Variants in TAF8 observed in about 807,000 individuals in gnomAD.
TAF8 encodes TATA-box binding protein associated factor 8.
A neutral mutation model predicts 36.5 loss-of-function variants in TAF8; 47 were observed. The ratio of observed to expected loss-of-function variants is 1.29; its 90% confidence interval spans 1.02 to 1.64. The LOEUF (loss-of-function observed/expected upper bound fraction) is 1.64, where lower values mean the gene tolerates loss of function less well. Among genes scored for constraint, TAF8 ranks in the 40% most tolerant of loss-of-function variants. The pLI, the probability that TAF8 is intolerant of heterozygous loss-of-function variation, is 0.00. For missense variants in TAF8, 420 were observed against 407.6 expected (o/e 1.03, Z -0.26); for synonymous variants, 175 against 159.5 (o/e 1.10, Z -0.73).
At chr6:42,068,914 T>C (rs934649720) in intron 7 of TAF8, among the ~76,000 whole-genome samples, 2 of 151,618 alleles carry the variant, frequency 1.3e-5, no homozygotes, top group African/African-American at 2.4e-5. Flanking sequence ...AATGAGGAGA[T>C]AGGAAGTGGG....
chr6:42,066,245 C>G, intron 5 of TAF8, 67 bp from the exon 6 acceptor site: 1 of 1,590,166 alleles, frequency 6.3e-7, no homozygotes, highest in Non-Finnish European at 8.5e-7. Context: ...AACAGCAAGC[C>G]AGGGAGCTGA....
intron 2 of TAF8, among the ~76,000 whole-genome samples, chr6:42,053,333 C>T (rs567261352): frequency 5.9e-5 from 9 of 152,182 alleles, no homozygotes; most frequent in African/African-American, 1.2e-4. Context: ...GAGGCCGAGG[C>T]GGGTATATCG....
chr6:42,054,660 G>A (rs1467088749), intron 2 of TAF8, among the ~76,000 whole-genome samples: 4 of 151,904 alleles, frequency 2.6e-5, no homozygotes, highest in Admixed American at 6.6e-5. Flanking sequence ...CCAGGCTGGA[G>A]TGCAGTGGTG....
chr6:42,064,255 G>GT (rs56011124), intron 5 of TAF8, among the ~76,000 whole-genome samples: 13,822 of 151,664 alleles, frequency 0.091, 795 homozygotes, highest in East Asian at 0.23. Context: ...AAGTTTTGGG[G>GT]TTTTTTTGTG....
In TAF8 at chr6:42,081,758, A is replaced by C. The variant is rs943860136; in HGVS notation, c.*4213A>C. 4 of 152,078 alleles carry C rather than the reference A, an allele frequency of 2.6e-5. No homozygotes were observed. Among genetic ancestry groups the C allele is most frequent in the Non-Finnish European group, 4.4e-5 (3 of 68,022 alleles). The allele number at this position is 152,078 out of a possible 1,614,324, so 9.4% of individuals were successfully genotyped here. A position where few individuals can be genotyped will look rare whatever the true frequency, so the allele number is the denominator to read the frequency against. On this transcript the variant is annotated 3_prime_UTR_variant, in exon 9 of 9. Coordinates refer to ENST00000372977, the MANE Select transcript of TAF8 (RefSeq NM_138572.3). ...CTGACCTCAGGTGATCACCTGCCTC[A>C]GCCTCCTAAAGTGCTGAGGTTACAG... is the stretch of plus-strand genomic sequence containing the variant.
At chr6:42,053,540 G>A (rs1254241242) in intron 2 of TAF8, among the ~76,000 whole-genome samples, 1 of 149,376 alleles carries the variant, frequency 6.7e-6, no homozygotes, top group Non-Finnish European at 1.5e-5. Flanking sequence ...ACTCCAGCCT[G>A]GGCAACAAGA....
chr6:42,072,716 G>A (rs1765619382), intron 7 of TAF8, among the ~76,000 whole-genome samples: 1 of 151,652 alleles, frequency 6.6e-6, no homozygotes, highest in Non-Finnish European at 1.5e-5. Context: ...GTAAATAACT[G>A]GTTTTTTTGT....
chr6:42,079,656 G>A lies in TAF8; in HGVS notation c.*2111G>A, dbSNP rs148093773. The stretch of plus-strand genomic sequence containing the variant: ...CGGCTCACTGCAACCTCCACTCCCC[G>A]GGTTCAAGCAATTCTCAGAGTAGCT... On this transcript the variant is annotated 3_prime_UTR_variant, in exon 9 of 9. Coordinates refer to ENST00000372977, the MANE Select transcript of TAF8 (RefSeq NM_138572.3). 97 of 808,578 alleles carry A rather than the reference G, an allele frequency of 1.2e-4. No homozygotes were observed. The East Asian group carries it at 3.9e-3, about 32-fold the overall frequency. The allele number at this position is 808,578 out of a possible 1,614,324, so 50.1% of individuals were successfully genotyped here. A position where few individuals can be genotyped will look rare whatever the true frequency, so the allele number is the denominator to read the frequency against.
chr6:42,062,003 C>G (rs751516449), intron 5 of TAF8, among the ~76,000 whole-genome samples: 5 of 152,122 alleles, frequency 3.3e-5, no homozygotes, highest in Non-Finnish European at 7.3e-5. Flanking sequence ...AAACAAGACT[C>G]GATGAAGATA....
rs1036098857 is a variant in TAF8 at position 42,078,691 on chromosome 6, A to T, written c.*1146A>T. 3.0e-6 allele frequency: 3 copies of T among 985,286 alleles called. No individual in the cohort carries two copies. In the Admixed American group the frequency reaches 1.8e-4, roughly 61 times the overall value. 61.0% of individuals were successfully genotyped at this position (985,286 alleles called of 1,614,324 possible). On this transcript the variant is annotated 3_prime_UTR_variant, in exon 9 of 9. Coordinates refer to ENST00000372977, the MANE Select transcript of TAF8 (RefSeq NM_138572.3). ...TCTCCTCCTGAGAGATTTACCATTT[A>T]TTGCCCCTGTGAGGAATGTGTGCTT... is the stretch of plus-strand genomic sequence containing the variant.
downstream of TAF8, among the ~76,000 whole-genome samples, chr6:42,083,659 G>A (rs899329373): frequency 2.0e-5 from 3 of 152,114 alleles, no homozygotes; most frequent in African/African-American, 4.8e-5. Context: ...CATAGTCACC[G>A]TTCTGTGTGA....
intron 6 of TAF8, among the ~76,000 whole-genome samples, chr6:42,066,731 G>A (rs1765378084): frequency 3.3e-5 from 5 of 152,160 alleles, no homozygotes; most frequent in Admixed American, 3.3e-4. Flanking sequence ...GAGACACTTG[G>A]TGGCAGCCCA....
At chr6:42,071,080 C>T (rs550378804) in intron 7 of TAF8, among the ~76,000 whole-genome samples, 1 of 152,294 alleles carries the variant, frequency 6.6e-6, no homozygotes, top group Non-Finnish European at 1.5e-5. Context: ...CGCAGAACCG[C>T]CAGAAGCTGG....
intron 5 of TAF8, among the ~76,000 whole-genome samples, chr6:42,058,950 G>C (rs903757230): frequency 2.6e-5 from 4 of 152,098 alleles, no homozygotes; most frequent in Admixed American, 2.6e-4. Context: ...GTGTGGTTGG[G>C]GGGCAGAGGG....
At position 42,080,961 on chromosome 6, in the gene TAF8, A is replaced by G. The variant is rs1166174863; in HGVS notation, c.*3416A>G. On this transcript the variant is annotated 3_prime_UTR_variant, in exon 9 of 9. Transcript: ENST00000372977. ...TCAAAAGTTAACAGCAATGTGGACA[A>G]ATAAGTCAGGCTTAGCCCTTGTGTT... 1.1e-5 allele frequency: 11 copies of G among 985,262 alleles called. No homozygotes were observed. In the African/African-American group the frequency reaches 1.4e-4, roughly 13 times the overall value. The allele number at this position is 985,262 out of a possible 1,614,324, so 61.0% of individuals were successfully genotyped here.
chr6:42,064,177 C>T (rs1308601256), intron 5 of TAF8, among the ~76,000 whole-genome samples: 1 of 152,052 alleles, frequency 6.6e-6, no homozygotes, highest in Non-Finnish European at 1.5e-5. Flanking sequence ...GGAATCATTA[C>T]AAGATTTTGC....
intron 2 of TAF8, chr6:42,051,746 A>C (rs918978247): frequency 1.9e-5 from 6 of 312,246 alleles, no homozygotes; most frequent in Non-Finnish European, 3.0e-5. Flanking sequence ...GGATCACCTG[A>C]AGTCAGGAGT....
intron 5 of TAF8, among the ~76,000 whole-genome samples, chr6:42,059,385 GAA>G (rs1328626068): frequency 1.6e-5 from 2 of 123,522 alleles, no homozygotes; most frequent in African/African-American, 3.0e-5. Context: ...TTTGTCTCAA[GAA>G]AAAAAAAAAA....
chr6:42,085,289 T>C (rs890453011), downstream of TAF8, among the ~76,000 whole-genome samples: 1 of 152,206 alleles, frequency 6.6e-6, no homozygotes, highest in East Asian at 1.9e-4. Flanking sequence ...CGGTTTTCTA[T>C]TTAGAGAAAT....
Sources: allele counts gnomAD v4.1 joint callset (sites outside exome capture counted in the v4.1 genomes callset), GRCh38; gene constraint gnomAD v4.1.1; transcripts MANE v1.5; gene names NCBI Gene and HGNC (gene_info 2026-07-23, HGNC 2026-07-21).